SLC12A8: variants seen among roughly 807,000 people sequenced by gnomAD.
The protein encoded by SLC12A8 is solute carrier family 12 member 8.
Under a neutral mutation model 75.6 loss-of-function variants are expected in SLC12A8, and 69 were observed. That is an observed-to-expected ratio of 0.91 (90% confidence interval 0.75 to 1.11). SLC12A8 has a LOEUF of 1.11. Among genes scored for constraint, SLC12A8 ranks in the 50% most tolerant of loss-of-function variants. The probability of loss-of-function intolerance (pLI) is 0.00; values close to 1 mark genes in which losing one functional copy is unlikely to be tolerated. For synonymous variants in SLC12A8, 365 were observed against 372.8 expected (o/e 0.98, Z 0.24); for missense variants, 877 against 896.7 (o/e 0.98, Z 0.28).
intron 8 of SLC12A8, among the ~76,000 whole-genome samples, chr3:125,115,237 C>T (rs1283119522): frequency 3.3e-5 from 5 of 152,078 alleles, no homozygotes; most frequent in African/African-American, 9.7e-5. Flanking sequence ...AGTAAAAAGA[C>T]GTCGCCGGGC....
chr3:125,125,849 T>C (rs1302805097), intron 6 of SLC12A8: 2 of 683,058 alleles, frequency 2.9e-6, no homozygotes, highest in Admixed American at 1.3e-4. Context: ...GAAATAGTAA[T>C]TGCATGATTA....
At chr3:125,098,010 GTCTAAGT>G (rs1476205384) in intron 10 of SLC12A8, among the ~76,000 whole-genome samples, 5 of 152,110 alleles carry the variant, frequency 3.3e-5, no homozygotes, top group African/African-American at 1.2e-4. Flanking sequence ...CTAGTGATAT[GTCTAAGT>G]TCTATGTTCA....
rs143294440 is a variant in SLC12A8 at position 125,159,998 on chromosome 3, G to A, written c.622+17745C>T. Among the ~76,000 whole-genome samples, 621 of 152,258 alleles carry A rather than the reference G, an allele frequency of 4.1e-3. 6 individuals are homozygous for A. The highest frequency in any genetic ancestry group is 0.014 in the African/African-American group (594 of 41,554). ...TTAGGGTCAGGGTTCTCGCTCTGTCGCCCAGGCTGGAGTGCTCACTGTGAC... is the reference window on the plus strand; with the variant it reads ...TTAGGGTCAGGGTTCTCGCTCTGTCACCCAGGCTGGAGTGCTCACTGTGAC... On this transcript the variant is annotated intron_variant, in intron 5 of 13. Coordinates refer to ENST00000469902, the MANE Select transcript of SLC12A8 (RefSeq NM_024628.6).
intron 4 of SLC12A8, among the ~76,000 whole-genome samples, chr3:125,186,907 C>T (rs1393081793): frequency 2.6e-5 from 4 of 152,248 alleles, no homozygotes; most frequent in African/African-American, 4.8e-5. Context: ...ACCTGGCTGC[C>T]ACCTGGCTGC....
chr3:125,136,978 G>A (rs193189906), intron 5 of SLC12A8, among the ~76,000 whole-genome samples: 1 of 152,292 alleles, frequency 6.6e-6, no homozygotes, highest in African/African-American at 2.4e-5. Context: ...TGTCGTCCAA[G>A]AGAAGCCAAT....
chr3:125,120,539 C>T lies in SLC12A8; in HGVS notation c.824+60G>A, dbSNP rs749931128. Reference sequence around the variant, plus strand: ...CAGAACAAAAGGGGCAATCCCTCTTCTGCCTGGGGTTTTCTCTCCCACTCT... The same window carrying T: ...CAGAACAAAAGGGGCAATCCCTCTTTTGCCTGGGGTTTTCTCTCCCACTCT... On this transcript the variant is annotated intron_variant, in intron 7 of 13. Coordinates refer to ENST00000469902, the MANE Select transcript of SLC12A8 (RefSeq NM_024628.6). The T allele has an allele frequency of 5.6e-6, 7 of 1,249,940 alleles. No homozygotes were observed. The East Asian group carries it at 1.7e-4, about 30-fold the overall frequency. 77.4% of individuals were successfully genotyped at this position (1,249,940 alleles called of 1,614,324 possible).
At chr3:125,110,092 G>T (rs1939148918) in intron 9 of SLC12A8, 97 bp downstream of exon 9, 2 of 1,240,802 alleles carry the variant, frequency 1.6e-6, no homozygotes, top group Admixed American at 2.1e-5. Flanking sequence ...TTGACCAGAG[G>T]CTCTGATCAG....
intron 13 of SLC12A8, among the ~76,000 whole-genome samples, chr3:125,087,411 T>A (rs1408932245): frequency 1.3e-5 from 2 of 152,114 alleles, no homozygotes; most frequent in Non-Finnish European, 2.9e-5. Flanking sequence ...CCATAATTTT[T>A]AAAATGAGGA....
Position 125,107,636 on chromosome 3 carries a change from A to C in SLC12A8, c.1550T>G (p.Val517Gly). 1 of 1,614,146 alleles carries C rather than the reference A, an allele frequency of 6.2e-7. No homozygotes were observed. Among genetic ancestry groups the C allele is most frequent in the Non-Finnish European group, 8.5e-7 (1 of 1,180,024 alleles). The change falls in exon 10 of 14, where the codon GTC becomes GGC. Residue 517 changes from valine (V) to glycine (G), a missense_variant. By Grantham distance (109) the Val-to-Gly change is moderately radical. Transcript: ENST00000469902. ...AGCGGGCAACCTGTCAGAGATCTCG[A>C]CAGGGAAAGAAGGAGGGGATTTGAG... ...LDLKSPPSFPVEISDRLPAAS... is the reference protein window; with the variant it reads ...LDLKSPPSFPGEISDRLPAAS...
At chr3:125,088,401 T>G (rs1168852932) in intron 12 of SLC12A8, 31 bp from the exon 13 acceptor site, 1 of 1,611,162 alleles carries the variant, frequency 6.2e-7, no homozygotes, top group South Asian at 1.1e-5. Context: ...TAACCATTTT[T>G]GAAGGTTCTA....
intron 5 of SLC12A8, among the ~76,000 whole-genome samples, chr3:125,170,857 G>A (rs985932487): frequency 6.6e-6 from 1 of 152,228 alleles, no homozygotes; most frequent in Non-Finnish European, 1.5e-5. Flanking sequence ...AGAGCTTGCA[G>A]TGAGCCGAGA....
intron 5 of SLC12A8, among the ~76,000 whole-genome samples, chr3:125,167,243 G>A (rs971641755): frequency 4.6e-5 from 7 of 151,662 alleles, no homozygotes; most frequent in African/African-American, 1.2e-4. Context: ...TCTGCCTCCC[G>A]GGTTCAAGAG....
intron 3 of SLC12A8, among the ~76,000 whole-genome samples, chr3:125,189,153 C>T (rs886636002): frequency 2.6e-5 from 4 of 152,182 alleles, no homozygotes; most frequent in Non-Finnish European, 5.9e-5. Context: ...GGGTGGGCCT[C>T]GTCTAATCAG....
chr3:125,154,345 T>C (rs147268800), intron 5 of SLC12A8, among the ~76,000 whole-genome samples: 3,366 of 152,322 alleles, frequency 0.022, 63 homozygotes, highest in Middle Eastern at 0.048. Context: ...GTTAAGGACA[T>C]GGACCCTGAG....
intron 3 of SLC12A8, among the ~76,000 whole-genome samples, chr3:125,189,439 C>G (rs958904882): frequency 3.3e-5 from 5 of 152,236 alleles, no homozygotes; most frequent in Admixed American, 6.5e-5. Flanking sequence ...TCAACTGCAT[C>G]TCCTCCAGGA....
At chr3:125,176,182 C>T (rs993079418) in intron 5 of SLC12A8, among the ~76,000 whole-genome samples, 1 of 152,104 alleles carries the variant, frequency 6.6e-6, no homozygotes, top group Admixed American at 6.6e-5. Flanking sequence ...CAAAAACAGG[C>T]CCCACTTCTC....
chr3:125,091,332 C>T (rs764688133), intron 12 of SLC12A8, 107 bp downstream of exon 12: 26 of 732,602 alleles, frequency 3.5e-5, no homozygotes, highest in Non-Finnish European at 5.7e-5. Flanking sequence ...AAATGGGATT[C>T]ACATCTGAAT....
intron 5 of SLC12A8, among the ~76,000 whole-genome samples, chr3:125,148,923 C>G (rs1007694070): frequency 6.6e-6 from 1 of 152,198 alleles, no homozygotes; most frequent in African/African-American, 2.4e-5. Context: ...TTCCCCACAG[C>G]CAGGGGACAC....
chr3:125,132,983 G>A (rs1172736938), intron 6 of SLC12A8, among the ~76,000 whole-genome samples: 1 of 152,156 alleles, frequency 6.6e-6, no homozygotes, highest in Non-Finnish European at 1.5e-5. Context: ...AATAAAGTGA[G>A]AGACTAAAAA....
Sources: allele counts gnomAD v4.1 joint callset (sites outside exome capture counted in the v4.1 genomes callset), GRCh38; gene constraint gnomAD v4.1.1; transcripts MANE v1.5; gene names NCBI Gene and HGNC (gene_info 2026-07-23, HGNC 2026-07-21).